TBKBP1: variants seen among roughly 807,000 people sequenced by gnomAD.
TBKBP1 encodes the protein TBK1 binding protein 1.
Under a neutral mutation model 69.9 loss-of-function variants are expected in TBKBP1, and 47 were observed. The ratio of observed to expected loss-of-function variants is 0.67; its 90% CI spans 0.53 to 0.86. TBKBP1 has a LOEUF of 0.86. Ranked by LOEUF, TBKBP1 falls within the 40% of genes least tolerant of loss-of-function variation. The probability of loss-of-function intolerance (pLI) is 0.00; values close to 1 mark genes in which losing one functional copy is unlikely to be tolerated. For synonymous variants in TBKBP1, 418 were observed against 390.3 expected, an observed-to-expected ratio of 1.07 and a Z score of -0.84; for missense variants, 831 against 858.6, an observed-to-expected ratio of 0.97 and a Z score of 0.40.
Position 47,709,210 on chromosome 17 carries a change from G to C in TBKBP1, c.1477G>C (p.Gly493Arg). ...CACTCTCCCCAAGCCCCGGGCCTAC[G>C]GCAGCGAGCTCTACGGCCCTGGCAG... ...AATLPKPRAY[G>R]SELYGPGRPL... Residue 493 changes from glycine to arginine, a missense_variant, in exon 9 of 10, where the codon GGC (glycine) becomes CGC (arginine). Gly to Arg is a moderately radical substitution (Grantham distance 125). Transcript: ENST00000578982. 3 of 1,518,444 alleles carry C rather than the reference G, an allele frequency of 2.0e-6. No homozygotes were observed. The highest frequency in any genetic ancestry group is 2.6e-6 in the Non-Finnish European group (3 of 1,142,468). The allele number at this position is 1,518,444 out of a possible 1,614,324, so 94.1% of individuals were successfully genotyped here. A position where few individuals can be genotyped will look rare whatever the true frequency, so the allele number is the denominator to read the frequency against.
In TBKBP1 at chr17:47,696,165, G is replaced by A. The variant is rs750773480; in HGVS notation, c.53G>A (p.Gly18Glu). 1 of 1,613,614 alleles carries A rather than the reference G, an allele frequency of 6.2e-7. No homozygotes were observed. The highest frequency in any genetic ancestry group is 1.3e-5 in the African/African-American group (1 of 75,044). ...DISILTQEALGPSEVWLDSPG... is the reference protein window; with the variant it reads ...DISILTQEALEPSEVWLDSPG... ...AGCATCCTGACGCAGGAGGCCCTGG[G>A]GCCTAGTGAGGTGTGGCTGGACAGT... Residue 18 changes from glycine to glutamate, a missense_variant, in exon 2 of 10, where the codon GGG becomes GAG. Physicochemically the swap from Gly to Glu is moderately conservative, Grantham distance 98. Coordinates refer to ENST00000578982, the MANE Select transcript of TBKBP1 (RefSeq NM_001394755.1).
At chr17:47,697,397 A>G (rs1402346698) in intron 4 of TBKBP1, among the ~76,000 whole-genome samples, 1 of 152,102 alleles carries the variant, frequency 6.6e-6, no homozygotes, top group Non-Finnish European at 1.5e-5. Context: ...TGCATGTGTT[A>G]TCCATGTTGC....
At chr17:47,704,834 G>T (rs538762754) in intron 7 of TBKBP1, among the ~76,000 whole-genome samples, 1 of 152,174 alleles carries the variant, frequency 6.6e-6, no homozygotes, top group East Asian at 1.9e-4. Context: ...ATTATTCGTG[G>T]AAAGACTGAA....
intron 7 of TBKBP1, among the ~76,000 whole-genome samples, chr17:47,700,521 C>T (rs2031460624): frequency 6.6e-6 from 1 of 151,900 alleles, no homozygotes; most frequent in East Asian, 1.9e-4. Flanking sequence ...CCCTGCTGAG[C>T]TTTTGGGCCT....
intron 7 of TBKBP1, among the ~76,000 whole-genome samples, chr17:47,701,763 G>A (rs569441811): frequency 1.3e-5 from 2 of 152,340 alleles, no homozygotes; most frequent in African/African-American, 2.4e-5. Context: ...CTAGGAGGCC[G>A]TATCATCCAC....
chr17:47,699,738 G>A (rs774318613), intron 7 of TBKBP1, 41 bp downstream of exon 7: 1 of 1,612,618 alleles, frequency 6.2e-7, no homozygotes, highest in African/African-American at 1.3e-5. Flanking sequence ...GTGATGTTTG[G>A]GAGACCTCCC....
rs1397962489 is a variant in TBKBP1, at chr17:47,696,176, G to C, written c.64G>C (p.Val22Leu). Residue 22 changes from valine (V) to leucine (L), a missense_variant, in exon 2 of 10, where the codon GTG (valine) becomes CTG (leucine). By Grantham distance (32) the Val-to-Leu change is conservative. Transcript: ENST00000578982. The part of the protein sequence containing the change: ...LTQEALGPSE[V>L]WLDSPGDPSL... Reference sequence around the variant, plus strand: ...GCAGGAGGCCCTGGGGCCTAGTGAGGTGTGGCTGGACAGTCCCGGAGACCC... The same window carrying C: ...GCAGGAGGCCCTGGGGCCTAGTGAGCTGTGGCTGGACAGTCCCGGAGACCC... 1 of 1,613,608 alleles carries C rather than the reference G, an allele frequency of 6.2e-7. No homozygotes were observed. The highest frequency in any genetic ancestry group is 1.3e-5 in the African/African-American group (1 of 74,930).
chr17:47,710,546 C>T lies in TBKBP1; in HGVS notation c.1768C>T (p.Gln590Ter). The change falls in exon 10 of 10, where the codon CAG becomes TAG. Residue 590 changes from glutamine to a stop codon, truncating the protein, a stop_gained. Transcript: ENST00000578982. LOFTEE classifies it high-confidence loss of function. ...CGACATCCGCAGCTGCCCCCTCTGC[C>T]AGCTGGGTTTCCCTGTCGGGTACCC... ...GSDIRSCPLCQLGFPVGYPDD... is the reference protein window; with the variant it reads ...GSDIRSCPLC 6.2e-7 allele frequency: 1 copy of T among 1,612,566 alleles called. No individual in the cohort carries two copies. The highest frequency in any genetic ancestry group is 1.7e-5 in the Admixed American group (1 of 59,996).
At chr17:47,700,501 G>A (rs2143290391) in intron 7 of TBKBP1, among the ~76,000 whole-genome samples, 1 of 151,862 alleles carries the variant, frequency 6.6e-6, no homozygotes, top group African/African-American at 2.4e-5. Flanking sequence ...GCTGTGTCCA[G>A]TGTAATGTCC....
chr17:47,705,022 T>C (rs903799229), intron 7 of TBKBP1, among the ~76,000 whole-genome samples: 14 of 152,236 alleles, frequency 9.2e-5, no homozygotes, highest in African/African-American at 3.1e-4. Flanking sequence ...AGCCTCTTAA[T>C]CGCCCTGATT....
At chr17:47,706,372 C>T (rs775676712) in intron 7 of TBKBP1, among the ~76,000 whole-genome samples, 6 of 152,116 alleles carry the variant, frequency 3.9e-5, no homozygotes, top group African/African-American at 7.2e-5. Flanking sequence ...CCCAATTTGA[C>T]GTGGGACACA....
intron 7 of TBKBP1, among the ~76,000 whole-genome samples, chr17:47,700,654 C>T (rs1237926879): frequency 6.6e-6 from 1 of 152,038 alleles, no homozygotes; most frequent in Non-Finnish European, 1.5e-5. Flanking sequence ...CTGCTGATCT[C>T]AGGAGAGAGA....
chr17:47,697,142 C>T lies in TBKBP1; in HGVS notation c.402C>T (p.Tyr134=), dbSNP rs377075578. 1.1e-4 allele frequency: 170 copies of T among 1,613,118 alleles called. 1 individual carries two copies. Among genetic ancestry groups the T allele is most frequent in the South Asian group, 9.4e-4 (85 of 90,888 alleles). ...AGCTTGGAGAGATGATCCAGGCCTA[C>T]GAGAAACTCTGCGTGGAGAAGAGTG... ...EEQLGEMIQA[Y]EKLCVEKSDL... Residue 134 remains tyrosine, a synonymous_variant, in exon 4 of 10, where the codon TAC becomes TAT. Transcript: ENST00000578982.
chr17:47,710,553 G>T lies in TBKBP1; in HGVS notation c.1775G>T (p.Gly592Val). Residue 592 changes from glycine to valine, a missense_variant, in exon 10 of 10, where the codon GGT becomes GTT. Coordinates refer to ENST00000578982, the MANE Select transcript of TBKBP1 (RefSeq NM_001394755.1). ...CGCAGCTGCCCCCTCTGCCAGCTGG[G>T]TTTCCCTGTCGGGTACCCGGATGAT... ...DIRSCPLCQL[G>V]FPVGYPDDAL... 1 of 1,612,522 alleles carries T rather than the reference G, an allele frequency of 6.2e-7. No homozygotes were observed. Among genetic ancestry groups the T allele is most frequent in the South Asian group, 1.1e-5 (1 of 91,062 alleles).
intron 7 of TBKBP1, among the ~76,000 whole-genome samples, chr17:47,706,895 G>A (rs75059169): frequency 0.028 from 4,116 of 145,890 alleles, 105 homozygotes; most frequent in East Asian, 0.15. Flanking sequence ...GCTCATTCAC[G>A]CCTTTCCTCA....
At position 47,711,679 on chromosome 17, in the gene TBKBP1, CAGG is replaced by C. The variant is rs1330177778; in HGVS notation, c.*1057_*1059del. Reference sequence around the variant, plus strand: ...TTGTACCCTCAGAAGGACGGGTAAGCAGGAGGCCAGGGGGTCCCCAGGGCTGAG... The same window carrying C: ...TTGTACCCTCAGAAGGACGGGTAAGCAGGCCAGGGGGTCCCCAGGGCTGAG... On this transcript the variant is annotated 3_prime_UTR_variant, in exon 10 of 10. Coordinates refer to ENST00000578982, the MANE Select transcript of TBKBP1 (RefSeq NM_001394755.1). 2 of 152,774 alleles carry C rather than the reference CAGG, an allele frequency of 1.3e-5. No individual in the cohort carries two copies. Among genetic ancestry groups the C allele is most frequent in the South Asian group, 2.1e-4 (1 of 4,830 alleles). 9.5% of individuals were successfully genotyped at this position (152,774 alleles called of 1,614,324 possible). A position where few individuals can be genotyped will look rare whatever the true frequency, so the allele number is the denominator to read the frequency against.
Position 47,711,256 on chromosome 17 carries a change from G to C in TBKBP1, c.*630G>C, listed in dbSNP as rs2031914117. The C allele has an allele frequency of 6.5e-6, 1 of 153,038 alleles. No individual in the cohort carries two copies. The highest frequency in any genetic ancestry group is 6.5e-5 in the Admixed American group (1 of 15,286). 9.5% of individuals were successfully genotyped at this position (153,038 alleles called of 1,614,324 possible). A position where few individuals can be genotyped will look rare whatever the true frequency, so the allele number is the denominator to read the frequency against. ...CCACTCTGGGGAATAGGGAGGGGAG[G>C]AGAGGAGAGGAGAGGGAGGATCCTG... On this transcript the variant is annotated 3_prime_UTR_variant, in exon 10 of 10. Coordinates refer to ENST00000578982, the MANE Select transcript of TBKBP1 (RefSeq NM_001394755.1).
In TBKBP1 at chr17:47,696,097, C is replaced by A; in HGVS notation, c.-16C>A. The A allele has an allele frequency of 6.3e-7, 1 of 1,590,662 alleles. No homozygotes were observed. On this transcript the variant is annotated 5_prime_UTR_variant, in exon 2 of 10. Coordinates refer to ENST00000578982, the MANE Select transcript of TBKBP1 (RefSeq NM_001394755.1). ...CTCCTAGGAGGCCCCGTGTGGGCCG[C>A]GGCCCGGCCCTCACCATGGAGTCCA...
rs762516628 is a variant in TBKBP1 at position 47,697,211 on chromosome 17, G to A, written c.453+18G>A. ...GGGAGATGGTGAGGCCTGGGGAGCC[G>A]GAGGTGCTTGAGGATGTGTAGCTGG... On this transcript the variant is annotated intron_variant, in intron 4 of 9. Transcript: ENST00000578982. The A allele has an allele frequency of 5.6e-6, 9 of 1,602,528 alleles. No individual in the cohort carries two copies. In the Admixed American group the frequency reaches 8.6e-5, roughly 15 times the overall value.
Sources: gnomAD v4.1 joint callset for allele counts (sites outside exome capture counted in the v4.1 genomes callset) on GRCh38, gnomAD v4.1.1 for gene constraint, MANE v1.5 for transcripts, NCBI Gene and HGNC (gene_info 2026-07-23, HGNC 2026-07-21) for gene names.